The following HECW2 variants were observed in gnomAD, a reference collection of about 807,000 sequenced individuals.
HECW2 encodes HECT, C2 and WW domain containing E3 ubiquitin protein ligase 2, also known as E3 ubiquitin-protein ligase HECW2.
In HECW2, 61 loss-of-function variants were observed where a neutral mutation model predicts 175.2. That is an observed-to-expected ratio of 0.35 (90% CI 0.28 to 0.43). The LOEUF (loss-of-function observed/expected upper bound fraction) is 0.43, where lower values mean the gene tolerates loss of function less well. HECW2 is among the 20% of genes least tolerant of loss of function. The probability of loss-of-function intolerance (pLI) is 1.00; values close to 1 mark genes in which losing one functional copy is unlikely to be tolerated. For missense variants in HECW2, 1,524 were observed against 2,000.5 expected (o/e 0.76, Z 4.54); for synonymous variants, 671 against 731.0 (o/e 0.92, Z 1.32).
chr2:196,219,319 T>C (rs1219289377), intron 26 of HECW2, among the ~76,000 whole-genome samples: 1 of 152,226 alleles, frequency 6.6e-6, no homozygotes, highest in Non-Finnish European at 1.5e-5. Flanking sequence ...TTAAAATTAT[T>C]TAATAAAACC....
At chr2:196,568,470 G>A (rs1255980059) in intron 1 of HECW2, among the ~76,000 whole-genome samples, 1 of 152,140 alleles carries the variant, frequency 6.6e-6, no homozygotes, top group African/African-American at 2.4e-5. Context: ...ACTTATGATA[G>A]GTGAGCTTAC....
chr2:196,405,367 T>A (rs1019222032), intron 2 of HECW2, among the ~76,000 whole-genome samples: 1 of 152,146 alleles, frequency 6.6e-6, no homozygotes, highest in African/African-American at 2.4e-5. Context: ...GTGCTCTACA[T>A]ACGTGTTTCC....
In HECW2 at chr2:196,194,532, G is replaced by A. The variant is rs79965688; in HGVS notation, c.*6745C>T. 6.6e-6 allele frequency: 1 copy of A among 151,984 alleles called. No homozygotes were observed. The highest frequency in any genetic ancestry group is 2.4e-5 in the African/African-American group (1 of 41,368). The allele number at this position is 151,984 out of a possible 1,614,324, so 9.4% of individuals were successfully genotyped here. A position where few individuals can be genotyped will look rare whatever the true frequency, so the allele number is the denominator to read the frequency against. ...CATAAAAAATACAACAAAAGAGTCA[G>A]GGGTTCAGTTGAGAATAAGAATACA... On this transcript the variant is annotated 3_prime_UTR_variant, in exon 29 of 29. Coordinates refer to ENST00000644978, the MANE Select transcript of HECW2 (RefSeq NM_001348768.2).
At chr2:196,312,515 T>C (rs571486773) in intron 10 of HECW2, among the ~76,000 whole-genome samples, 4 of 152,188 alleles carry the variant, frequency 2.6e-5, no homozygotes, top group Non-Finnish European at 5.9e-5. Flanking sequence ...ATTCCATTTG[T>C]ATAAAGTACA....
At chr2:196,448,387 T>C (rs533894433) in intron 1 of HECW2, among the ~76,000 whole-genome samples, 1 of 152,220 alleles carries the variant, frequency 6.6e-6, no homozygotes, top group Non-Finnish European at 1.5e-5. Context: ...ATGACACAGC[T>C]GAGACCTACT....
chr2:196,388,614 G>A (rs1361148761), intron 2 of HECW2, among the ~76,000 whole-genome samples: 1 of 152,120 alleles, frequency 6.6e-6, no homozygotes, highest in African/African-American at 2.4e-5. Flanking sequence ...GTATAGGTAT[G>A]TAACTGCTAT....
At chr2:196,400,322 A>G (rs1353317542) in intron 2 of HECW2, among the ~76,000 whole-genome samples, 1 of 152,198 alleles carries the variant, frequency 6.6e-6, no homozygotes, top group Non-Finnish European at 1.5e-5. Flanking sequence ...AATGGGACAG[A>G]CAGAGGAAGG....
At chr2:196,254,697 C>T (rs1245445545) in intron 18 of HECW2, among the ~76,000 whole-genome samples, 1 of 152,178 alleles carries the variant, frequency 6.6e-6, no homozygotes, top group Non-Finnish European at 1.5e-5. Flanking sequence ...TCAGTTTGTA[C>T]TCCAATAAGA....
intron 17 of HECW2, among the ~76,000 whole-genome samples, chr2:196,267,269 T>A (rs1211228916): frequency 6.6e-6 from 1 of 152,224 alleles, no homozygotes; most frequent in Non-Finnish European, 1.5e-5. Context: ...CTAAAAATTT[T>A]ATTGAATTTT....
chr2:196,331,895 A>T (rs1458752666), intron 4 of HECW2, among the ~76,000 whole-genome samples: 1 of 152,224 alleles, frequency 6.6e-6, no homozygotes, highest in African/African-American at 2.4e-5. Context: ...TTTAAAATAA[A>T]CTCACTCCAT....
intron 1 of HECW2, among the ~76,000 whole-genome samples, chr2:196,585,619 C>T (rs979230963): frequency 2.0e-5 from 3 of 151,980 alleles, no homozygotes; most frequent in Admixed American, 2.0e-4. Context: ...AGAAGATGAG[C>T]TCTTCTAGCT....
intron 1 of HECW2, among the ~76,000 whole-genome samples, chr2:196,448,525 G>A (rs1176630711): frequency 5.9e-5 from 9 of 152,290 alleles, no homozygotes; most frequent in East Asian, 1.9e-4. Context: ...GGAGAAAGAC[G>A]TAATCAACTG....
chr2:196,478,004 A>G (rs887674685), intron 1 of HECW2, among the ~76,000 whole-genome samples: 1 of 152,194 alleles, frequency 6.6e-6, no homozygotes, highest in African/African-American at 2.4e-5. Context: ...GTGAGCCGAG[A>G]TCATGCCACT....
intron 1 of HECW2, among the ~76,000 whole-genome samples, chr2:196,585,352 A>G (rs1261726583): frequency 6.6e-6 from 1 of 152,242 alleles, no homozygotes; most frequent in African/African-American, 2.4e-5. Context: ...CTTTTGTCCT[A>G]GTATTAAATA....
At chr2:196,269,703 T>C (rs574058188) in intron 17 of HECW2, among the ~76,000 whole-genome samples, 1 of 152,144 alleles carries the variant, frequency 6.6e-6, no homozygotes, top group East Asian at 1.9e-4. Context: ...AAAATCTAAT[T>C]GGAAAATAAC....
chr2:196,296,351 G>A (rs745967125), intron 13 of HECW2, among the ~76,000 whole-genome samples: 1 of 152,108 alleles, frequency 6.6e-6, no homozygotes, highest in Admixed American at 6.5e-5. Context: ...CCATAGGCAC[G>A]TGAGATTCAA....
chr2:196,260,165 T>C (rs1416885943), intron 17 of HECW2: 2 of 152,186 alleles, frequency 1.3e-5, no homozygotes, highest in Non-Finnish European at 2.9e-5. Context: ...AGAGGAGGTA[T>C]GCCAAATGGG....
intron 26 of HECW2, chr2:196,217,908 C>T (rs991688942): frequency 2.6e-5 from 4 of 152,130 alleles, no homozygotes; most frequent in South Asian, 2.1e-4. Flanking sequence ...GAATAGAAGG[C>T]GGGTAGAAAT....
intron 2 of HECW2, among the ~76,000 whole-genome samples, chr2:196,385,330 T>TTAA (rs1694317332): frequency 6.6e-6 from 1 of 152,170 alleles, no homozygotes; most frequent in African/African-American, 2.4e-5. Context: ...ATATAAAAGC[T>TTAA]CTAGTTACTT....
Sources: allele counts gnomAD v4.1 joint callset (sites outside exome capture counted in the v4.1 genomes callset), GRCh38; gene constraint gnomAD v4.1.1; transcripts MANE v1.5; gene names NCBI Gene and HGNC (gene_info 2026-07-23, HGNC 2026-07-21).